EXOC4: variants seen among roughly 807,000 people sequenced by gnomAD.
EXOC4 encodes exocyst complex component 4.
EXOC4 carries 71 observed loss-of-function variants against 107.2 expected under a neutral mutation model. The ratio of observed to expected loss-of-function variants is 0.66; its 90% CI spans 0.55 to 0.81. EXOC4 has a LOEUF of 0.81. Ranked by LOEUF, EXOC4 falls within the 30% of genes least tolerant of loss-of-function variation. EXOC4 has a pLI of 0.00. For synonymous variants in EXOC4, 456 were observed against 441.2 expected (o/e 1.03, Z -0.42); for missense variants, 1,108 against 1,189.6 (o/e 0.93, Z 1.01).
chr7:133,610,610 C>T (rs1004175508), intron 9 of EXOC4, among the ~76,000 whole-genome samples: 31 of 152,072 alleles, frequency 2.0e-4, no homozygotes, highest in African/African-American at 7.2e-4. Context: ...AAACATTCCC[C>T]ATTTCTTCCA....
At chr7:133,547,000 T>C (rs1018762243) in intron 9 of EXOC4, among the ~76,000 whole-genome samples, 1 of 152,196 alleles carries the variant, frequency 6.6e-6, no homozygotes, top group Non-Finnish European at 1.5e-5. Context: ...TATTTGACAC[T>C]AGACAACATT....
At chr7:133,970,348 G>C (rs749791621) in intron 14 of EXOC4, among the ~76,000 whole-genome samples, 5 of 151,954 alleles carry the variant, frequency 3.3e-5, no homozygotes, top group Non-Finnish European at 5.9e-5. Flanking sequence ...TTCCAGGGGG[G>C]TGAATGGTTC....
Position 134,046,070 on chromosome 7 carries a change from T to C in EXOC4, c.2688-18221T>C, listed in dbSNP as rs1795643035. Among the ~76,000 whole-genome samples the C allele has an allele frequency of 2.6e-5, 4 of 152,336 alleles. No homozygotes were observed. The South Asian group carries it at 6.2e-4, about 24-fold the overall frequency. On this transcript the variant is annotated intron_variant, in intron 17 of 17. Coordinates refer to ENST00000253861, the MANE Select transcript of EXOC4 (RefSeq NM_021807.4). ...GGGGAGAAGGAAGCTAAAGTGTTTA[T>C]ATCGAAGTATGGCATACACACAGTA...
At chr7:133,955,903 G>A (rs1800807889) in intron 14 of EXOC4, among the ~76,000 whole-genome samples, 1 of 152,254 alleles carries the variant, frequency 6.6e-6, no homozygotes, top group Non-Finnish European at 1.5e-5. Flanking sequence ...GCAGGGAGAA[G>A]CCAGGCAGTG....
At chr7:133,958,609 C>T (rs1336145494) in intron 14 of EXOC4, among the ~76,000 whole-genome samples, 1 of 152,072 alleles carries the variant, frequency 6.6e-6, no homozygotes, top group Non-Finnish European at 1.5e-5. Flanking sequence ...TGTTATATTC[C>T]AGAAGTTCTT....
At chr7:133,519,062 T>C (rs906461697) in intron 9 of EXOC4, among the ~76,000 whole-genome samples, 1 of 152,142 alleles carries the variant, frequency 6.6e-6, no homozygotes, top group African/African-American at 2.4e-5. Flanking sequence ...CTTCTAAATA[T>C]CTAACAAGAG....
chr7:134,093,690 A>G, the EXOC4 span, among the ~76,000 whole-genome samples: 1 of 152,172 alleles, frequency 6.6e-6, no homozygotes, highest in Non-Finnish European at 1.5e-5. Flanking sequence ...CCAAGTATCA[A>G]TAAATTTTTA....
intron 10 of EXOC4, among the ~76,000 whole-genome samples, chr7:133,771,959 C>T (rs1796252189): frequency 6.6e-6 from 1 of 151,910 alleles, no homozygotes; most frequent in Non-Finnish European, 1.5e-5. Context: ...TCAGATCCCT[C>T]ATAGGCCCCA....
At chr7:134,095,045 T>C in the EXOC4 span, among the ~76,000 whole-genome samples, 5 of 152,208 alleles carry the variant, frequency 3.3e-5, no homozygotes, top group South Asian at 1.0e-3. Flanking sequence ...ATTCTATACC[T>C]TGAAAACCCT....
At chr7:133,863,164 A>G (rs79947334) in intron 11 of EXOC4, among the ~76,000 whole-genome samples, 5,496 of 152,270 alleles carry the variant, frequency 0.036, 346 homozygotes, top group African/African-American at 0.13. Context: ...TCAGTGGAGC[A>G]TAATAGAAAA....
At chr7:133,938,161 A>C in intron 14 of EXOC4, 92 bp downstream of exon 14, 1 of 1,275,114 alleles carries the variant, frequency 7.8e-7, no homozygotes, top group Non-Finnish European at 1.1e-6. Context: ...TGGTCACCGT[A>C]TGGGGGCGTG....
In EXOC4 at chr7:133,857,240, GTCACATATA is replaced by G. The variant is rs1798412732; in HGVS notation, c.1735-38357_1735-38349del. Among the ~76,000 whole-genome samples, 4 of 20,712 alleles carry G rather than the reference GTCACATATA, an allele frequency of 1.9e-4. 1 individual carries two copies. The highest frequency in any genetic ancestry group is 9.8e-4 in the African/African-American group (4 of 4,102). 13.6% of individuals were successfully genotyped at this position (20,712 alleles called of 152,430 possible). A position where few individuals can be genotyped will look rare whatever the true frequency, so the allele number is the denominator to read the frequency against. ...AACCTCCCTGGATGATTGTCTTAGTGTCACATATATATATATATATATATATATATATAC... is the reference window on the plus strand; with the variant it reads ...AACCTCCCTGGATGATTGTCTTAGTGTATATATATATATATATATATATAC... On this transcript the variant is annotated intron_variant, in intron 11 of 17. Coordinates refer to ENST00000253861, the MANE Select transcript of EXOC4 (RefSeq NM_021807.4).
chr7:133,746,022 C>T (rs888948522), intron 10 of EXOC4, among the ~76,000 whole-genome samples: 1 of 152,020 alleles, frequency 6.6e-6, no homozygotes, highest in African/African-American at 2.4e-5. Context: ...ATTAGCTCAG[C>T]TTTGTTAAAG....
intron 14 of EXOC4, among the ~76,000 whole-genome samples, chr7:133,970,399 A>C (rs192053479): frequency 6.6e-6 from 1 of 151,994 alleles, no homozygotes; most frequent in African/African-American, 2.4e-5. Context: ...GTATGAAAAA[A>C]AAAATCCTGT....
At chr7:133,305,382 G>A (rs1318326396) in intron 3 of EXOC4, among the ~76,000 whole-genome samples, 1 of 152,174 alleles carries the variant, frequency 6.6e-6, no homozygotes, top group African/African-American at 2.4e-5. Context: ...TCTGTGTGAT[G>A]TGTATTTGAA....
At chr7:133,676,933 GTGTGTGTGTGTGTGTGTGTGTGTA>G (rs1339050766) in intron 10 of EXOC4, among the ~76,000 whole-genome samples, 2 of 74,934 alleles carry the variant, frequency 2.7e-5, no homozygotes, top group East Asian at 4.8e-4. Context: ...AACTCTGTGT[GTGTGTGTGTGTGTGTGTGTGTGTA>G]TGTGTGTGTG....
chr7:133,895,455 C>T, intron 11 of EXOC4, 144 bp from the exon 12 acceptor site: 1 of 816,190 alleles, frequency 1.2e-6, no homozygotes, highest in Non-Finnish European at 2.0e-6. Context: ...GCTCCTCCCC[C>T]TGTTTTGAGT....
At chr7:133,922,561 A>G (rs1026462548) in intron 13 of EXOC4, among the ~76,000 whole-genome samples, 1 of 152,174 alleles carries the variant, frequency 6.6e-6, no homozygotes, top group African/African-American at 2.4e-5. Context: ...AAAAATTTAT[A>G]CATGGCCGGG....
chr7:133,890,479 T>C (rs566095733), intron 11 of EXOC4, among the ~76,000 whole-genome samples: 20 of 136,460 alleles, frequency 1.5e-4, no homozygotes, highest in Admixed American at 1.1e-3. Context: ...TTTGGTGTTT[T>C]GGACATGAAG....
Sources: gnomAD v4.1 joint callset for allele counts (sites outside exome capture counted in the v4.1 genomes callset) on GRCh38, gnomAD v4.1.1 for gene constraint, MANE v1.5 for transcripts, NCBI Gene and HGNC (gene_info 2026-07-23, HGNC 2026-07-21) for gene names.